SWT1: variants seen among roughly 807,000 people sequenced by gnomAD.
The protein encoded by SWT1 is SWT1 RNA endoribonuclease homolog.
A neutral mutation model predicts 107.3 loss-of-function variants in SWT1; 33 were observed. That is an observed-to-expected ratio of 0.31 (90% CI 0.23 to 0.41). The LOEUF is 0.41. Among genes scored for constraint, SWT1 ranks in the 10% least tolerant of loss-of-function variants. The pLI is 1.00. For missense variants in SWT1, 898 were observed against 1,028.9 expected, an observed-to-expected ratio of 0.87 and a Z score of 1.74; for synonymous variants, 345 against 348.3, an observed-to-expected ratio of 0.99 and a Z score of 0.11.
intron 16 of SWT1, among the ~76,000 whole-genome samples, chr1:185,258,483 A>G (rs2102684269): frequency 6.6e-6 from 1 of 152,186 alleles, no homozygotes; most frequent in African/African-American, 2.4e-5. Context: ...TTTCTATTTA[A>G]TGAAGCAAAA....
intron 15 of SWT1, among the ~76,000 whole-genome samples, chr1:185,222,407 G>A (rs1371081264): frequency 6.6e-6 from 1 of 151,946 alleles, no homozygotes; most frequent in Non-Finnish European, 1.5e-5. Flanking sequence ...CATTTATCAT[G>A]TATTTTTTCA....
rs186543976 is a variant in SWT1 at position 185,271,101 on chromosome 1, A to G, written c.2442-222A>G. ...TTGTTGATTAATTGATGTTATAAGC[A>G]TGAATTTAAATAAGCAAAAACATTT... On this transcript the variant is annotated intron_variant, in intron 16 of 18. Transcript: ENST00000367500. 5.0e-3 allele frequency among the ~76,000 whole-genome samples: 756 copies of G among 152,360 alleles called. 6 individuals carry two copies. Among genetic ancestry groups the G allele is most frequent in the African/African-American group, 0.017 (704 of 41,592 alleles).
intron 16 of SWT1, among the ~76,000 whole-genome samples, chr1:185,259,057 T>G (rs547546101): frequency 6.6e-6 from 1 of 152,248 alleles, no homozygotes; most frequent in East Asian, 1.9e-4. Context: ...ATTCACTAAA[T>G]CTCTTCCCAA....
At chr1:185,266,271 A>C (rs1025931531) in intron 16 of SWT1, among the ~76,000 whole-genome samples, 2 of 152,224 alleles carry the variant, frequency 1.3e-5, no homozygotes, top group East Asian at 1.9e-4. Context: ...TCACCGTGTT[A>C]GCCAGGATGG....
intron 4 of SWT1, among the ~76,000 whole-genome samples, chr1:185,170,832 T>A (rs1332683142): frequency 6.6e-6 from 1 of 152,168 alleles, no homozygotes; most frequent in Non-Finnish European, 1.5e-5. Flanking sequence ...CATAATTGTG[T>A]ACATCAAGAC....
chr1:185,272,085 A>T (rs1663907284), intron 17 of SWT1, among the ~76,000 whole-genome samples: 1 of 152,142 alleles, frequency 6.6e-6, no homozygotes, highest in African/African-American at 2.4e-5. Context: ...CCATCTCCCC[A>T]TCCAACTTAC....
intron 13 of SWT1, among the ~76,000 whole-genome samples, chr1:185,207,556 CT>C (rs1194794036): frequency 6.6e-6 from 1 of 152,200 alleles, no homozygotes; most frequent in Non-Finnish European, 1.5e-5. Flanking sequence ...GTAAACTAGT[CT>C]TGAAACAGTA....
At chr1:185,267,278 G>T (rs1336334473) in intron 16 of SWT1, among the ~76,000 whole-genome samples, 1 of 152,170 alleles carries the variant, frequency 6.6e-6, no homozygotes, top group South Asian at 2.1e-4. Context: ...TGAGGTTAAC[G>T]CTGCTTTATC....
chr1:185,249,876 C>T (rs79615244), intron 16 of SWT1, among the ~76,000 whole-genome samples: 1,765 of 152,274 alleles, frequency 0.012, 14 homozygotes, highest in South Asian at 0.027. Context: ...AATTGAGGAG[C>T]CTCCTCAAGC....
intron 2 of SWT1, among the ~76,000 whole-genome samples, chr1:185,162,629 T>G (rs1298099763): frequency 6.6e-6 from 1 of 152,198 alleles, no homozygotes; most frequent in Non-Finnish European, 1.5e-5. Flanking sequence ...TATCAGCAAA[T>G]TCTATCAGCT....
rs376295092 is a variant in SWT1 at position 185,271,821 on chromosome 1, C to T, written c.2508+432C>T. ...CTGCAGCTTCCTATCCTGTGATCTA[C>T]AACTGTCCATTTCATCCCCTCCTCC... On this transcript the variant is annotated intron_variant, in intron 17 of 18. Transcript: ENST00000367500. Among the ~76,000 whole-genome samples, 20 of 152,308 alleles carry T rather than the reference C, an allele frequency of 1.3e-4. No individual in the cohort carries two copies. In the East Asian group the frequency reaches 3.3e-3, roughly 25 times the overall value.
chr1:185,227,530 T>C, intron 15 of SWT1: 2 of 534,034 alleles, frequency 3.7e-6, no homozygotes, highest in South Asian at 3.3e-5. Context: ...GATATCTCTG[T>C]TTGTTACATG....
intron 11 of SWT1, 37 bp from the exon 12 acceptor site, chr1:185,204,663 G>A (rs745606916): frequency 2.4e-6 from 3 of 1,238,252 alleles, no homozygotes; most frequent in Non-Finnish European, 3.4e-6. Context: ...ATTACTGTTA[G>A]CATTCTAAAT....
intron 18 of SWT1, among the ~76,000 whole-genome samples, chr1:185,280,656 G>T (rs1208160766): frequency 6.6e-6 from 1 of 152,172 alleles, no homozygotes; most frequent in African/African-American, 2.4e-5. Flanking sequence ...GGGGAGAGGG[G>T]CTCCAGGTTG....
At chr1:185,210,505 C>T (rs373609272) in intron 13 of SWT1, among the ~76,000 whole-genome samples, 1 of 152,008 alleles carries the variant, frequency 6.6e-6, no homozygotes, top group Non-Finnish European at 1.5e-5. Flanking sequence ...GCTAAAAACT[C>T]TCAAGAAACT....
At chr1:185,261,175 C>A (rs1662992118) in intron 16 of SWT1, among the ~76,000 whole-genome samples, 1 of 152,070 alleles carries the variant, frequency 6.6e-6, no homozygotes, top group African/African-American at 2.4e-5. Flanking sequence ...TATTAACTCC[C>A]CAGTTTTCCA....
At chr1:185,244,334 A>C (rs1232655277) in intron 16 of SWT1, among the ~76,000 whole-genome samples, 1 of 152,136 alleles carries the variant, frequency 6.6e-6, no homozygotes, top group Non-Finnish European at 1.5e-5. Flanking sequence ...CTACACACCT[A>C]GGCTGTATGG....
chr1:185,204,953 C>T (rs954868428), intron 12 of SWT1, 90 bp downstream of exon 12: 19 of 685,994 alleles, frequency 2.8e-5, no homozygotes, highest in Middle Eastern at 4.0e-4. Context: ...AAAATGCATA[C>T]GCTTCATTGA....
intron 16 of SWT1, among the ~76,000 whole-genome samples, chr1:185,261,110 C>G (rs1424547069): frequency 6.6e-6 from 1 of 152,114 alleles, no homozygotes; most frequent in Non-Finnish European, 1.5e-5. Flanking sequence ...GCTGTCACCA[C>G]TATCTATCCA....
Sources: allele counts gnomAD v4.1 joint callset (sites outside exome capture counted in the v4.1 genomes callset), GRCh38; gene constraint gnomAD v4.1.1; transcripts MANE v1.5; gene names NCBI Gene and HGNC (gene_info 2026-07-23, HGNC 2026-07-21).